TET2: variants seen among roughly 807,000 people sequenced by gnomAD.
The protein encoded by TET2 is methylcytosine dioxygenase TET2.
A neutral mutation model predicts 142.9 loss-of-function variants in TET2; 299 were observed. The observed-to-expected ratio is 2.09, with a 90% CI of 1.90 to 2.30. TET2 has a LOEUF of 2.30. Among genes scored for constraint, TET2 ranks in the 30% most tolerant of loss-of-function variants. TET2 has a pLI of 0.00. For synonymous variants in TET2, 819 were observed against 849.0 expected (o/e 0.96, Z 0.61); for missense variants, 2,418 against 2,378.0 (o/e 1.02, Z -0.35).
intron 6 of TET2, among the ~76,000 whole-genome samples, chr4:105,254,525 C>T (rs1730025662): frequency 1.3e-5 from 2 of 152,282 alleles, no homozygotes; most frequent in Non-Finnish European, 2.9e-5. Context: ...GATTTACCCA[C>T]CTCAGCCTCC....
chr4:105,224,115 A>G (rs540938006), intron 2 of TET2, among the ~76,000 whole-genome samples: 16 of 152,250 alleles, frequency 1.1e-4, no homozygotes, highest in African/African-American at 3.8e-4. Context: ...AATTTAAATG[A>G]TGTGTATTTT....
intron 1 of TET2, among the ~76,000 whole-genome samples, chr4:105,148,544 A>T (rs982819804): frequency 6.6e-6 from 1 of 152,212 alleles, no homozygotes; most frequent in Non-Finnish European, 1.5e-5. Context: ...GGAAGTTGGG[A>T]TTCACAGAGA....
At position 105,243,754 on chromosome 4, in the gene TET2, A is replaced by G. The variant is rs367866583; in HGVS notation, c.3779A>G (p.Asn1260Ser). ...ETLRKYGTLT[N>S]RRCALNEERT... ...CTGAGGAAATACGGCACGCTCACCA[A>G]TCGCCGGTGTGCCTTGAATGAAGAG... is the stretch of plus-strand genomic sequence containing the variant. Residue 1260 changes from asparagine (N) to serine (S), a missense_variant, in exon 6 of 11, where the codon AAT (asparagine) becomes AGT (serine). Transcript: ENST00000380013. The G allele has an allele frequency of 9.7e-5, 150 of 1,551,480 alleles. No homozygotes were observed. The highest frequency in any genetic ancestry group is 4.4e-4 in the East Asian group (18 of 40,902).
chr4:105,160,536 A>G (rs1231118942), intron 1 of TET2, among the ~76,000 whole-genome samples: 3 of 152,186 alleles, frequency 2.0e-5, no homozygotes, highest in Non-Finnish European at 4.4e-5. Context: ...TTGCCTAACA[A>G]AGAATTGTAA....
chr4:105,175,048 C>T (rs1333379443), intron 1 of TET2, among the ~76,000 whole-genome samples: 1 of 152,148 alleles, frequency 6.6e-6, no homozygotes, highest in Non-Finnish European at 1.5e-5. Context: ...GGTACAGTTT[C>T]ACCAAAGAGG....
intron 1 of TET2, among the ~76,000 whole-genome samples, chr4:105,188,256 T>TCACAGGGACTATCACACA (rs888531710): frequency 1.3e-5 from 2 of 152,198 alleles, no homozygotes; most frequent in Non-Finnish European, 2.9e-5. Context: ...CTAAGTGGAA[T>TCACAGGGACTATCACACA]AAGCCAATCA....
chr4:105,232,050 C>A lies in TET2; in HGVS notation c.-46-1847C>A, dbSNP rs1728538416. Reference sequence around the variant, plus strand: ...TTCTCCCATCCTCAAAGTATCCCTGCTGTCTGTTGTTCCCCCTCTTTGTGT... The same window carrying A: ...TTCTCCCATCCTCAAAGTATCCCTGATGTCTGTTGTTCCCCCTCTTTGTGT... On this transcript the variant is annotated intron_variant, in intron 2 of 10. Coordinates refer to ENST00000380013, the MANE Select transcript of TET2 (RefSeq NM_001127208.3). Among the ~76,000 whole-genome samples the A allele has an allele frequency of 2.0e-5, 3 of 152,260 alleles. No homozygotes were observed. The South Asian group carries it at 6.2e-4, about 32-fold the overall frequency.
Position 105,235,917 on chromosome 4 carries a change from CA to C in TET2, c.1976del (p.Gln659ArgfsTer41). 6.2e-7 allele frequency: 1 copy of C among 1,614,118 alleles called. No individual in the cohort carries two copies. Among genetic ancestry groups the C allele is most frequent in the Non-Finnish European group, 8.5e-7 (1 of 1,180,022 alleles). On this transcript the variant is annotated frameshift_variant, in exon 3 of 11. Transcript: ENST00000380013. LOFTEE classifies it high-confidence loss of function. ...TCTCCAGTTCCAAAAACCCTCACAC[CA>C]GGTGCACTTCTCCAAAACAGACCAT... ...QHLQFQKPSH[Q>X]VHFSKTDHLP...
intron 2 of TET2, among the ~76,000 whole-genome samples, chr4:105,218,476 T>TA (rs1343366198): frequency 6.6e-6 from 1 of 152,124 alleles, no homozygotes; most frequent in Non-Finnish European, 1.5e-5. Context: ...AGGTAAAAAT[T>TA]ACACCCTTCA....
intron 10 of TET2, among the ~76,000 whole-genome samples, chr4:105,274,406 A>G (rs1285333409): frequency 6.6e-6 from 1 of 152,228 alleles, no homozygotes; most frequent in Non-Finnish European, 1.5e-5. Flanking sequence ...CTTGTTGATT[A>G]TATAAGATGC....
intron 2 of TET2, among the ~76,000 whole-genome samples, chr4:105,213,784 G>A (rs1727309339): frequency 1.3e-5 from 2 of 152,168 alleles, no homozygotes; most frequent in Non-Finnish European, 2.9e-5. Context: ...CTCTCAGAGA[G>A]AACTATGACC....
intron 3 of TET2, chr4:105,239,654 A>C (rs902250151): frequency 4.2e-6 from 1 of 238,102 alleles, no homozygotes; most frequent in African/African-American, 2.2e-5. Context: ...CAGACCACTA[A>C]AGCGCTCTCC....
At chr4:105,210,116 G>A (rs980195563) in intron 2 of TET2, among the ~76,000 whole-genome samples, 4 of 152,262 alleles carry the variant, frequency 2.6e-5, no homozygotes, top group Admixed American at 2.0e-4. Context: ...GTGAAAGAAT[G>A]AATTCCATTT....
intron 3 of TET2, chr4:105,237,866 AGT>A: frequency 9.4e-7 from 1 of 1,069,244 alleles, no homozygotes; most frequent in Non-Finnish European, 1.1e-6. Context: ...TGACACTCTT[AGT>A]GCTCCTAAAG....
At chr4:105,240,524 T>A in intron 3 of TET2, 1 of 1,078,420 alleles carries the variant, frequency 9.3e-7, no homozygotes, top group Non-Finnish European at 1.1e-6. Flanking sequence ...CCGTGCCATG[T>A]TTTCCCTCTT....
At chr4:105,192,832 G>A (rs1317212619) in intron 2 of TET2, among the ~76,000 whole-genome samples, 1 of 152,062 alleles carries the variant, frequency 6.6e-6, no homozygotes. Flanking sequence ...TGAGTGGCAG[G>A]GTTAGGTAGT....
chr4:105,260,957 C>G (rs1730393030), intron 7 of TET2, among the ~76,000 whole-genome samples: 1 of 151,766 alleles, frequency 6.6e-6, no homozygotes, highest in South Asian at 2.1e-4. Flanking sequence ...TCATGTAAAC[C>G]AAATCCAGAG....
intron 1 of TET2, among the ~76,000 whole-genome samples, chr4:105,150,602 T>A (rs2110343707): frequency 6.6e-6 from 1 of 152,328 alleles, no homozygotes; most frequent in Non-Finnish European, 1.5e-5. Context: ...CCAAGCCAAC[T>A]TTACAATTGG....
rs1245266118 is a variant in TET2, at chr4:105,276,343, C to G, written c.5833C>G (p.His1945Asp). ...CCCAGACTATGTGCCTCAGAAATCC[C>G]ATGGCAAAAAAGTGAAACGGGAGCC... ...YGPDYVPQKSHGKKVKREPAE... is the reference protein window; with the variant it reads ...YGPDYVPQKSDGKKVKREPAE... Residue 1945 changes from histidine to aspartate, a missense_variant, in exon 11 of 11, where the codon CAT becomes GAT. Coordinates refer to ENST00000380013, the MANE Select transcript of TET2 (RefSeq NM_001127208.3). 1 of 1,551,706 alleles carries G rather than the reference C, an allele frequency of 6.4e-7. No homozygotes were observed. Among genetic ancestry groups the G allele is most frequent in the Non-Finnish European group, 8.7e-7 (1 of 1,147,002 alleles).
Sources: gnomAD v4.1 joint callset for allele counts (sites outside exome capture counted in the v4.1 genomes callset) on GRCh38, gnomAD v4.1.1 for gene constraint, MANE v1.5 for transcripts, NCBI Gene and HGNC (gene_info 2026-07-23, HGNC 2026-07-21) for gene names.